The following SMPD3 variants were observed in gnomAD, a reference collection of about 807,000 sequenced individuals.
The protein encoded by SMPD3 is nSMase-2.
SMPD3 carries 21 observed loss-of-function variants against 55.7 expected under a neutral mutation model. That is an observed-to-expected ratio of 0.38 (90% CI 0.27 to 0.54). The LOEUF is 0.54. SMPD3 is among the 20% of genes least tolerant of loss of function. The pLI is 0.80. For synonymous variants in SMPD3, 457 were observed against 404.3 expected, an observed-to-expected ratio of 1.13 and a Z score of -1.56; for missense variants, 842 against 899.6, an observed-to-expected ratio of 0.94 and a Z score of 0.82.
At chr16:68,398,665 T>C (rs1321699383) in intron 1 of SMPD3, among the ~76,000 whole-genome samples, 2 of 152,256 alleles carry the variant, frequency 1.3e-5, no homozygotes, top group African/African-American at 4.8e-5. Flanking sequence ...TTTCCTCAGT[T>C]CAAAGTTGGT....
At chr16:68,403,231 T>C (rs1597648937) in intron 1 of SMPD3, among the ~76,000 whole-genome samples, 1 of 152,340 alleles carries the variant, frequency 6.6e-6, no homozygotes, top group Non-Finnish European at 1.5e-5. Context: ...TTCCAAAACA[T>C]CACCACTTAA....
At chr16:68,383,056 C>G (rs916643381) in intron 2 of SMPD3, among the ~76,000 whole-genome samples, 1 of 152,198 alleles carries the variant, frequency 6.6e-6, no homozygotes, top group Non-Finnish European at 1.5e-5. Flanking sequence ...CCAGGCTGGT[C>G]TCGAATTCCT....
In SMPD3 at chr16:68,363,483, G is replaced by T. The variant is rs754597938; in HGVS notation, c.1709+13C>A. On this transcript the variant is annotated intron_variant, in intron 7 of 8. Transcript: ENST00000219334. ...GGTGTGCCTCGTCCCTGGCCTGGGA[G>T]CGCAGTGCTTACTTCTGCAGGTTGT... The T allele has an allele frequency of 1.2e-6, 2 of 1,613,836 alleles. No individual in the cohort carries two copies. The highest frequency in any genetic ancestry group is 1.7e-5 in the Admixed American group (1 of 59,998).
intron 1 of SMPD3, among the ~76,000 whole-genome samples, chr16:68,387,083 CT>C (rs1468027774): frequency 1.3e-5 from 2 of 152,116 alleles, no homozygotes; most frequent in African/African-American, 4.8e-5. Flanking sequence ...ACAATCAGAG[CT>C]TTGGGAGCTT....
In SMPD3 at chr16:68,414,244, G is replaced by GAGA. The variant is rs1419700491; in HGVS notation, c.-268-27588_-268-27586dup. On this transcript the variant is annotated intron_variant, in intron 1 of 8. Transcript: ENST00000219334. ...TCACTGCTTTTGTGAAGCTGAGCAA[G>GAGA]AGAAGGGAGGACAATAGGATATTTT... Among the ~76,000 whole-genome samples the GAGA allele has an allele frequency of 2.6e-5, 4 of 152,376 alleles. No homozygotes were observed. In the East Asian group the frequency reaches 7.7e-4, roughly 29 times the overall value.
At chr16:68,361,535 G>C (rs576786381) in intron 8 of SMPD3, 68 bp downstream of exon 8, 1 of 1,577,444 alleles carries the variant, frequency 6.3e-7, no homozygotes, top group South Asian at 1.1e-5. Context: ...AGCGGCTGTC[G>C]AGAGCTGCAG....
intron 1 of SMPD3, among the ~76,000 whole-genome samples, chr16:68,445,617 T>C (rs752615158): frequency 6.6e-6 from 1 of 152,192 alleles, no homozygotes; most frequent in African/African-American, 2.4e-5. Flanking sequence ...AGTTGCCAAA[T>C]TGTGACTGGT....
chr16:68,365,877 A>G (rs534480905), intron 3 of SMPD3, among the ~76,000 whole-genome samples: 2 of 152,072 alleles, frequency 1.3e-5, no homozygotes, highest in African/African-American at 2.4e-5. Flanking sequence ...CCTGCAGGCA[A>G]TTCATAACTG....
chr16:68,446,728 C>T (rs1426998103), intron 1 of SMPD3, among the ~76,000 whole-genome samples: 2 of 152,170 alleles, frequency 1.3e-5, no homozygotes, highest in African/African-American at 2.4e-5. Context: ...TCAGGATGTC[C>T]CTCTGGACCC....
chr16:68,416,141 T>C (rs1378774514), intron 1 of SMPD3, among the ~76,000 whole-genome samples: 2 of 152,220 alleles, frequency 1.3e-5, no homozygotes, highest in South Asian at 2.1e-4. Context: ...CAGACCTCTA[T>C]GAAGGACAGT....
intron 1 of SMPD3, among the ~76,000 whole-genome samples, chr16:68,422,932 C>A (rs2090407087): frequency 6.6e-6 from 1 of 152,184 alleles, no homozygotes; most frequent in Admixed American, 6.5e-5. Context: ...CCATTGAACA[C>A]ATATACAGCC....
chr16:68,364,833 G>A lies in SMPD3; in HGVS notation c.1473C>T (p.Ser491=), dbSNP rs1317748686. ...CCTCGGGGTTGGCTGCGCTGGACGAGGAGGTAGATTTTCGGAAATCAGCCA... is the reference window on the plus strand; with the variant it reads ...CCTCGGGGTTGGCTGCGCTGGACGAAGAGGTAGATTTTCGGAAATCAGCCA... The part of the protein sequence containing the change: ...DWLADFRKST[S]SSSAANPEEL... Residue 491 remains serine, a synonymous_variant, in exon 5 of 9, where the codon TCC becomes TCT. Coordinates refer to ENST00000219334, the MANE Select transcript of SMPD3 (RefSeq NM_018667.4). 1 of 1,613,932 alleles carries A rather than the reference G, an allele frequency of 6.2e-7. No individual in the cohort carries two copies. Among genetic ancestry groups the A allele is most frequent in the Non-Finnish European group, 8.5e-7 (1 of 1,180,040 alleles).
intron 1 of SMPD3, among the ~76,000 whole-genome samples, chr16:68,397,685 G>A (rs867562369): frequency 3.3e-5 from 5 of 152,246 alleles, no homozygotes; most frequent in Admixed American, 2.0e-4. Context: ...TCTTGGTCCC[G>A]TTCTCTCTCC....
chr16:68,402,852 C>T (rs1240875950), intron 1 of SMPD3, among the ~76,000 whole-genome samples: 2 of 152,234 alleles, frequency 1.3e-5, no homozygotes, highest in African/African-American at 4.8e-5. Flanking sequence ...TGTCACTTCC[C>T]TGGAAAACCA....
chr16:68,377,351 C>T (rs954419851), intron 2 of SMPD3, among the ~76,000 whole-genome samples: 3 of 152,146 alleles, frequency 2.0e-5, no homozygotes, highest in Non-Finnish European at 4.4e-5. Flanking sequence ...AAGTCCTGGG[C>T]AGGACCCAGG....
intron 1 of SMPD3, among the ~76,000 whole-genome samples, chr16:68,414,246 G>T (rs1251219624): frequency 6.6e-6 from 1 of 152,260 alleles, no homozygotes; most frequent in Non-Finnish European, 1.5e-5. Context: ...CTGAGCAAGA[G>T]AAGGGAGGAC....
rs3743743 is a variant in SMPD3 at position 68,363,872 on chromosome 16, C to T, written c.1556-6G>A. The T allele has an allele frequency of 0.12, 185,362 of 1,555,222 alleles. 11,713 individuals are homozygous for T. The highest frequency in any genetic ancestry group is 0.16 in the South Asian group (13,751 of 84,500). On this transcript the variant is annotated splice_polypyrimidine_tract_variant and splice_region_variant and intron_variant, in intron 5 of 8. Transcript: ENST00000219334. ...TTGCTGCTCCAGCTTGTCGTCTGTG[C>T]GGGGAGGGAGGAAACGCTGAGGCAC...
intron 1 of SMPD3, among the ~76,000 whole-genome samples, chr16:68,436,417 G>A (rs182979076): frequency 1.3e-5 from 2 of 152,220 alleles, no homozygotes; most frequent in East Asian, 3.9e-4. Flanking sequence ...TATGCTTCCA[G>A]TGCTCTCTGC....
intron 1 of SMPD3, among the ~76,000 whole-genome samples, chr16:68,397,130 C>T (rs1447515958): frequency 2.0e-5 from 3 of 152,188 alleles, no homozygotes; most frequent in Non-Finnish European, 4.4e-5. Flanking sequence ...GTGAGCAAGA[C>T]TTATCTGCAG....
Sources: allele counts gnomAD v4.1 joint callset (sites outside exome capture counted in the v4.1 genomes callset), GRCh38; gene constraint gnomAD v4.1.1; transcripts MANE v1.5; gene names NCBI Gene and HGNC (gene_info 2026-07-23, HGNC 2026-07-21).